LYRM4: variants seen among roughly 807,000 people sequenced by gnomAD.
The protein encoded by LYRM4 is LYR motif containing 4, also known as LYR motif-containing protein 4.
In LYRM4, 9 loss-of-function variants were observed where a neutral mutation model predicts 11.7. The ratio of observed to expected loss-of-function variants is 0.77; its 90% CI spans 0.46 to 1.34. The LOEUF is 1.34. Among genes scored for constraint, LYRM4 ranks in the 40% most tolerant of loss-of-function variants. The probability of loss-of-function intolerance (pLI) is 0.00; values close to 1 mark genes in which losing one functional copy is unlikely to be tolerated. For missense variants in LYRM4, 133 were observed against 112.5 expected (o/e 1.18, Z -0.82); for synonymous variants, 42 against 40.4 (o/e 1.04, Z -0.15).
intron 1 of LYRM4, among the ~76,000 whole-genome samples, chr6:5,257,990 G>A (rs1485570770): frequency 5.3e-5 from 8 of 152,192 alleles, no homozygotes; most frequent in African/African-American, 1.4e-4. Context: ...GAAAACTTTT[G>A]TTCAGAGAAG....
At chr6:5,091,235 C>G in the LYRM4 span, among the ~76,000 whole-genome samples, 1 of 152,194 alleles carries the variant, frequency 6.6e-6, no homozygotes, top group Non-Finnish European at 1.5e-5. Flanking sequence ...GCTGACAATC[C>G]GGGCTCATTG....
chr6:5,070,754 G>C, the LYRM4 span, among the ~76,000 whole-genome samples: 30 of 150,784 alleles, frequency 2.0e-4, no homozygotes, highest in African/African-American at 7.1e-4. Flanking sequence ...GTGCATGCCT[G>C]TCAGCTACTT....
At chr6:5,136,692 T>C (rs1478093531) in intron 2 of LYRM4, 1 of 985,308 alleles carries the variant, frequency 1.0e-6, no homozygotes, top group East Asian at 1.1e-4. Context: ...CCACAGGTCC[T>C]AGCCACAGTC....
At chr6:5,123,091 C>G (rs927062542) in intron 2 of LYRM4, among the ~76,000 whole-genome samples, 1 of 152,220 alleles carries the variant, frequency 6.6e-6, no homozygotes, top group Non-Finnish European at 1.5e-5. Flanking sequence ...TGTCTCCCCC[C>G]ACCCAGAAGT....
the LYRM4 span, among the ~76,000 whole-genome samples, chr6:5,063,127 C>CA: frequency 6.9e-4 from 105 of 152,288 alleles, 1 homozygote; most frequent in African/African-American, 2.4e-3. Flanking sequence ...TCCCTCAATA[C>CA]AAAGTCTTCC....
chr6:5,136,826 C>A, intron 2 of LYRM4: 4 of 985,298 alleles, frequency 4.1e-6, no homozygotes, highest in Non-Finnish European at 4.8e-6. Context: ...CCTGATGTCT[C>A]TTAACAGCTT....
At chr6:5,044,057 C>T in the LYRM4 span, among the ~76,000 whole-genome samples, 2,874 of 152,242 alleles carry the variant, frequency 0.019, 96 homozygotes, top group African/African-American at 0.066. Flanking sequence ...TCTCCTAATC[C>T]TCTCCGTTGG....
intron 1 of LYRM4, among the ~76,000 whole-genome samples, chr6:5,227,617 A>T (rs1180035437): frequency 6.6e-6 from 1 of 152,228 alleles, no homozygotes; most frequent in Admixed American, 6.5e-5. Context: ...CATTTGACCC[A>T]GCAATCCCAT....
chr6:5,095,908 A>G, the LYRM4 span, among the ~76,000 whole-genome samples: 3 of 152,100 alleles, frequency 2.0e-5, no homozygotes, highest in East Asian at 5.8e-4. Context: ...TAAGCCCAGG[A>G]GGTGGAGGTT....
chr6:5,111,146 C>G (rs146625484), intron 2 of LYRM4, among the ~76,000 whole-genome samples: 275 of 152,196 alleles, frequency 1.8e-3, no homozygotes, highest in African/African-American at 6.5e-3. Flanking sequence ...ATATATTAAC[C>G]TCAACAGATA....
intron 2 of LYRM4, among the ~76,000 whole-genome samples, chr6:5,130,719 C>G (rs939480687): frequency 2.0e-5 from 3 of 151,978 alleles, no homozygotes; most frequent in Non-Finnish European, 2.9e-5. Context: ...AAATTTATGT[C>G]TAGGGAAACA....
At chr6:5,160,802 T>C (rs1417164914) in intron 2 of LYRM4, among the ~76,000 whole-genome samples, 1 of 152,204 alleles carries the variant, frequency 6.6e-6, no homozygotes, top group Non-Finnish European at 1.5e-5. Flanking sequence ...CTGCAGGCCT[T>C]CACTGACCAC....
intron 2 of LYRM4, among the ~76,000 whole-genome samples, chr6:5,215,721 T>C (rs1009447695): frequency 1.3e-5 from 2 of 152,144 alleles, no homozygotes; most frequent in African/African-American, 4.8e-5. Flanking sequence ...CAAGCTGGCA[T>C]CTCTTGATGC....
At chr6:5,043,289 A>G in the LYRM4 span, 1 of 152,162 alleles carries the variant, frequency 6.6e-6, no homozygotes, top group Admixed American at 6.5e-5. Flanking sequence ...ATACTCTGCA[A>G]TCCACCAAGA....
intron 1 of LYRM4, among the ~76,000 whole-genome samples, chr6:5,239,986 T>G (rs1383503918): frequency 6.6e-6 from 1 of 152,192 alleles, no homozygotes; most frequent in Non-Finnish European, 1.5e-5. Context: ...TCATGCTGCC[T>G]GCCGCAGCCA....
the LYRM4 span, among the ~76,000 whole-genome samples, chr6:5,050,116 A>C: frequency 6.6e-6 from 1 of 152,392 alleles, no homozygotes; most frequent in East Asian, 1.9e-4. Context: ...TTGGACAACA[A>C]TTGCACTGGC....
chr6:5,182,511 G>A (rs1329331754), intron 2 of LYRM4, among the ~76,000 whole-genome samples: 5 of 152,150 alleles, frequency 3.3e-5, no homozygotes, highest in African/African-American at 1.2e-4. Flanking sequence ...TTAATAAATT[G>A]ATCATTCAAC....
At chr6:5,119,591 C>T (rs553778469) in intron 2 of LYRM4, among the ~76,000 whole-genome samples, 51 of 151,902 alleles carry the variant, frequency 3.4e-4, no homozygotes, top group Admixed American at 3.1e-3. Context: ...GTTCAACACC[C>T]GCCTGACCAA....
At chr6:5,086,118 G>C in the LYRM4 span, 1 of 1,466,420 alleles carries the variant, frequency 6.8e-7, no homozygotes, top group Non-Finnish European at 8.9e-7. Context: ...CCGCGGCCGA[G>C]CGTCTGCAGC....
Sources: allele counts gnomAD v4.1 joint callset (sites outside exome capture counted in the v4.1 genomes callset), GRCh38; gene constraint gnomAD v4.1.1; transcripts MANE v1.5; gene names NCBI Gene and HGNC (gene_info 2026-07-23, HGNC 2026-07-21).